The following CNTN5 variants were observed in gnomAD, a reference collection of about 807,000 sequenced individuals.
CNTN5 encodes contactin 5.
CNTN5 carries 77 observed loss-of-function variants against 129.1 expected under a neutral mutation model. The observed-to-expected ratio is 0.60, with a 90% CI of 0.50 to 0.72. The LOEUF (loss-of-function observed/expected upper bound fraction) is 0.72. CNTN5 is among the 30% of genes least tolerant of loss of function. The pLI, the probability that CNTN5 is intolerant of heterozygous loss-of-function variation, is 0.00. For missense variants in CNTN5, 1,478 were observed against 1,328.8 expected (o/e 1.11, Z -1.75); for synonymous variants, 509 against 465.6 (o/e 1.09, Z -1.20).
intron 2 of CNTN5, among the ~76,000 whole-genome samples, chr11:99,501,132 T>C (rs980346800): frequency 3.3e-5 from 5 of 152,206 alleles, no homozygotes; most frequent in Non-Finnish European, 5.9e-5. Flanking sequence ...TAAAACACTA[T>C]AAATATTTGC....
At chr11:99,311,943 G>C (rs1865131566) in intron 1 of CNTN5, among the ~76,000 whole-genome samples, 1 of 152,122 alleles carries the variant, frequency 6.6e-6, no homozygotes, top group Non-Finnish European at 1.5e-5. Context: ...ATTCTTTGCA[G>C]ACTTTTATAC....
At chr11:99,630,699 G>A (rs946784131) in intron 3 of CNTN5, among the ~76,000 whole-genome samples, 57 of 151,986 alleles carry the variant, frequency 3.8e-4, no homozygotes, top group Admixed American at 2.5e-3. Flanking sequence ...TCTGTCCGGG[G>A]TATACCCTTG....
rs866132710 is a variant in CNTN5 at position 99,083,733 on chromosome 11, T to C, written c.-210+62463T>C. ...TTTAGTGGAGAAAACATTAGTTGTT[T>C]ATGTTAAAATTAGAGGAGGTGAATG... On this transcript the variant is annotated intron_variant, in intron 1 of 24. Coordinates refer to ENST00000524871, the MANE Select transcript of CNTN5 (RefSeq NM_014361.4). Among the ~76,000 whole-genome samples, 11 of 152,328 alleles carry C rather than the reference T, an allele frequency of 7.2e-5. No individual in the cohort carries two copies. In the South Asian group the frequency reaches 1.7e-3, roughly 23 times the overall value.
chr11:99,510,817 G>A (rs559613655), intron 2 of CNTN5, among the ~76,000 whole-genome samples: 7 of 152,228 alleles, frequency 4.6e-5, no homozygotes, highest in African/African-American at 1.4e-4. Flanking sequence ...CATTACTTTA[G>A]AATGTTCTCC....
intron 13 of CNTN5, among the ~76,000 whole-genome samples, chr11:100,119,052 A>C (rs1477504188): frequency 6.6e-6 from 1 of 151,608 alleles, no homozygotes; most frequent in East Asian, 1.9e-4. Context: ...CAAAAAAAAA[A>C]CAAAAAAGAA....
At chr11:99,287,610 T>G (rs1227786511) in intron 1 of CNTN5, among the ~76,000 whole-genome samples, 3 of 152,062 alleles carry the variant, frequency 2.0e-5, no homozygotes, top group African/African-American at 7.2e-5. Context: ...TATAATATGA[T>G]TCAGTTTCTA....
intron 8 of CNTN5, among the ~76,000 whole-genome samples, chr11:99,971,771 C>T (rs1422426154): frequency 6.6e-6 from 1 of 151,670 alleles, no homozygotes; most frequent in Non-Finnish European, 1.5e-5. Flanking sequence ...TTATAACTCA[C>T]TAAAGACTAA....
intron 10 of CNTN5, among the ~76,000 whole-genome samples, chr11:100,068,390 A>G (rs1371471301): frequency 6.6e-6 from 1 of 152,148 alleles, no homozygotes; most frequent in Non-Finnish European, 1.5e-5. Context: ...TTTAGAATAA[A>G]CACTGAATCG....
At chr11:100,163,542 T>A (rs1388861247) in intron 13 of CNTN5, among the ~76,000 whole-genome samples, 1 of 151,862 alleles carries the variant, frequency 6.6e-6, no homozygotes, top group African/African-American at 2.4e-5. Context: ...TGGAAGTCAA[T>A]AAATACAGTA....
At chr11:99,614,855 C>G (rs1418374546) in intron 3 of CNTN5, among the ~76,000 whole-genome samples, 2 of 152,004 alleles carry the variant, frequency 1.3e-5, no homozygotes, top group African/African-American at 4.8e-5. Flanking sequence ...AAAGAAGTAT[C>G]CCCTTTTTCT....
intron 9 of CNTN5, among the ~76,000 whole-genome samples, chr11:100,007,223 G>C (rs1940251130): frequency 6.6e-6 from 1 of 151,884 alleles, no homozygotes; most frequent in East Asian, 1.9e-4. Flanking sequence ...ATTCTTAAGG[G>C]CCCTATGATT....
intron 3 of CNTN5, among the ~76,000 whole-genome samples, chr11:99,562,213 C>T (rs1248797751): frequency 6.6e-6 from 1 of 152,102 alleles, no homozygotes; most frequent in Non-Finnish European, 1.5e-5. Context: ...AGCTGTTTTT[C>T]TGGCCATCTT....
intron 8 of CNTN5, among the ~76,000 whole-genome samples, chr11:99,971,636 G>T (rs11222102): frequency 0.059 from 9,013 of 151,602 alleles, 316 homozygotes; most frequent in Non-Finnish European, 0.077. Flanking sequence ...ATGTCATTTT[G>T]CCAACACATA....
intron 3 of CNTN5, among the ~76,000 whole-genome samples, chr11:99,713,040 TG>T (rs760094787): frequency 1.3e-5 from 2 of 152,136 alleles, no homozygotes; most frequent in Non-Finnish European, 2.9e-5. Flanking sequence ...CGTAGTTTGA[TG>T]GGGATAGCAT....
chr11:100,208,915 G>A (rs1202834898), intron 15 of CNTN5, among the ~76,000 whole-genome samples: 3 of 152,202 alleles, frequency 2.0e-5, no homozygotes, highest in African/African-American at 7.2e-5. Flanking sequence ...GCTGTTTGGT[G>A]AAGGGGGCAG....
chr11:99,388,940 G>A (rs1008446824), intron 2 of CNTN5, among the ~76,000 whole-genome samples: 1 of 151,694 alleles, frequency 6.6e-6, no homozygotes, highest in Admixed American at 6.6e-5. Context: ...AAACAAAGAA[G>A]AAATATCTTT....
At chr11:99,852,061 C>T (rs1369178179) in intron 6 of CNTN5, among the ~76,000 whole-genome samples, 1 of 152,098 alleles carries the variant, frequency 6.6e-6, no homozygotes, top group Non-Finnish European at 1.5e-5. Context: ...CTGAATGAGT[C>T]AGATTGACAT....
intron 1 of CNTN5, among the ~76,000 whole-genome samples, chr11:99,091,021 C>CAAAAAAA (rs68113369): frequency 0.047 from 2,658 of 56,768 alleles, 324 homozygotes; most frequent in East Asian, 0.21. Context: ...GACTCCGTCT[C>CAAAAAAA]AAAAAAAAAA....
intron 16 of CNTN5, among the ~76,000 whole-genome samples, chr11:100,245,881 G>C (rs894590274): frequency 1.3e-5 from 2 of 151,996 alleles, no homozygotes; most frequent in African/African-American, 4.8e-5. Context: ...TGGAAAAGGG[G>C]TATCAGTACC....
Sources: allele counts gnomAD v4.1 joint callset (sites outside exome capture counted in the v4.1 genomes callset), GRCh38; gene constraint gnomAD v4.1.1; transcripts MANE v1.5; gene names NCBI Gene and HGNC (gene_info 2026-07-23, HGNC 2026-07-21).